NT5DC4: variants seen among roughly 807,000 people sequenced by gnomAD.
The protein encoded by NT5DC4 is 5'-nucleotidase domain containing 4.
NT5DC4 carries 44 observed loss-of-function variants against 26.6 expected under a neutral mutation model. That is an observed-to-expected ratio of 1.65 (90% CI 1.30 to 2.13). NT5DC4 has a LOEUF of 2.13. Among genes scored for constraint, NT5DC4 ranks in the 30% most tolerant of loss-of-function variants. The pLI is 0.00. For missense variants in NT5DC4, 399 were observed against 228.1 expected (o/e 1.75, Z -4.83); for synonymous variants, 157 against 86.7 (o/e 1.81, Z -4.51).
In NT5DC4 at chr2:112,734,708, GAGAC is replaced by G. The variant is rs201617488; in HGVS notation, c.1345-4201_1345-4198del. On this transcript the variant is annotated intron_variant, in intron 16 of 16. Transcript: ENST00000688554. ...AGGGAAATTGGGGTGCTTTTTTTGT[GAGAC>G]AGAGTCTTGCTCCGTCGCCTAGGCT... Among the ~76,000 whole-genome samples the G allele has an allele frequency of 9.6e-3, 1,457 of 152,242 alleles. 10 individuals are homozygous for G. Among genetic ancestry groups the G allele is most frequent in the Non-Finnish European group, 0.016 (1,102 of 68,024 alleles).
Position 112,739,095 on chromosome 2 carries a change from A to G in NT5DC4, c.*159A>G. 7.3e-7 allele frequency: 1 copy of G among 1,371,204 alleles called. No homozygotes were observed. The highest frequency in any genetic ancestry group is 1.3e-5 in the South Asian group (1 of 79,008). The allele number at this position is 1,371,204 out of a possible 1,614,324, so 84.9% of individuals were successfully genotyped here. A position where few individuals can be genotyped will look rare whatever the true frequency, so the allele number is the denominator to read the frequency against. On this transcript the variant is annotated 3_prime_UTR_variant, in exon 17 of 17. Transcript: ENST00000688554. ...ATTAAAAACCTTATCATTTAAAAAA[A>G]TTATCTTTATTATTTTTTGTTTCTT...
chr2:112,719,954 CTT>C (rs1222302980), upstream of NT5DC4, among the ~76,000 whole-genome samples: 13 of 115,816 alleles, frequency 1.1e-4, no homozygotes, highest in African/African-American at 3.9e-4. Context: ...TTCTTTCTTT[CTT>C]TCTTTCTTTC....
downstream of NT5DC4, among the ~76,000 whole-genome samples, chr2:112,739,491 C>CA (rs545240332): frequency 1.7e-4 from 26 of 152,248 alleles, no homozygotes; most frequent in Admixed American, 1.5e-3. Flanking sequence ...ATGGTGTAAG[C>CA]ATAAGGATTT....
intron 15 of NT5DC4, among the ~76,000 whole-genome samples, chr2:112,728,440 A>G (rs1678038704): frequency 6.6e-6 from 1 of 152,130 alleles, no homozygotes; most frequent in East Asian, 1.9e-4. Context: ...CTACGATGGC[A>G]CTGGGCAAGG....
chr2:112,732,064 C>G (rs890770113), intron 16 of NT5DC4, among the ~76,000 whole-genome samples: 4 of 151,972 alleles, frequency 2.6e-5, no homozygotes, highest in African/African-American at 4.8e-5. Flanking sequence ...GCATACTCCA[C>G]CACACCTGGC....
At chr2:112,739,119 TTA>T, downstream of NT5DC4, 1 of 1,190,114 alleles carries the variant, frequency 8.4e-7, no homozygotes, top group South Asian at 1.4e-5. Context: ...TTTTTGTTTC[TTA>T]TTCAATAATA....
upstream of NT5DC4, among the ~76,000 whole-genome samples, chr2:112,720,186 A>C (rs1676761949): frequency 7.0e-6 from 1 of 143,190 alleles, no homozygotes; most frequent in South Asian, 2.3e-4. Flanking sequence ...CAAGAGGCTA[A>C]TTTTTTTTTT....
At chr2:112,721,731 C>T in intron 1 of NT5DC4, 87 bp from the exon 2 acceptor site, 1 of 716,600 alleles carries the variant, frequency 1.4e-6, no homozygotes, top group African/African-American at 1.7e-5. Flanking sequence ...CTGCCCTCCT[C>T]TGCGGGGTTT....
chr2:112,724,495 G>A (rs377379269), intron 10 of NT5DC4: 8 of 570,984 alleles, frequency 1.4e-5, no homozygotes, highest in East Asian at 5.9e-5. Flanking sequence ...CTAGGTAGCC[G>A]TGCTGGTGCC....
intron 8 of NT5DC4, 64 bp downstream of exon 8, chr2:112,723,532 C>T (rs1677252952): frequency 4.2e-6 from 3 of 710,162 alleles, no homozygotes; most frequent in Non-Finnish European, 7.9e-6. Context: ...GCCCCCGCAA[C>T]CCTTCTCTGG....
chr2:112,735,038 A>ATTTTTTTT (rs70965024), intron 16 of NT5DC4, among the ~76,000 whole-genome samples: 5 of 94,488 alleles, frequency 5.3e-5, no homozygotes, highest in Non-Finnish European at 7.9e-5. Context: ...AGGCAAGAAC[A>ATTTTTTTT]TTTTTTTTTT....
intron 16 of NT5DC4, among the ~76,000 whole-genome samples, chr2:112,732,209 C>T (rs1424416007): frequency 9.1e-6 from 1 of 109,516 alleles, no homozygotes; most frequent in South Asian, 2.9e-4. Context: ...CCGAGCCTGG[C>T]ATTTTTTTTT....
At chr2:112,731,902 G>A (rs1363309783) in intron 16 of NT5DC4, among the ~76,000 whole-genome samples, 1 of 145,748 alleles carries the variant, frequency 6.9e-6, no homozygotes, top group African/African-American at 2.7e-5. Flanking sequence ...ACGGGCCATG[G>A]AATCAGAGAG....
intron 11 of NT5DC4, 38 bp downstream of exon 11, chr2:112,724,944 G>A: frequency 1.4e-6 from 1 of 714,034 alleles, no homozygotes; most frequent in Non-Finnish European, 2.6e-6. Context: ...GGTTGGGGAG[G>A]GCAGCCTGCC....
At chr2:112,724,288 G>C in intron 10 of NT5DC4, 162 bp downstream of exon 10, 1 of 654,678 alleles carries the variant, frequency 1.5e-6, no homozygotes, top group South Asian at 1.7e-5. Flanking sequence ...GCTCCCCAGT[G>C]GGTAGGAGCC....
At chr2:112,721,400 G>C (rs778156288) in intron 1 of NT5DC4, 2 of 699,366 alleles carry the variant, frequency 2.9e-6, no homozygotes, top group African/African-American at 3.5e-5. Flanking sequence ...CCTTCACCAC[G>C]GACACAGTGA....
At chr2:112,734,572 G>T (rs1302590156) in intron 16 of NT5DC4, among the ~76,000 whole-genome samples, 2 of 152,326 alleles carry the variant, frequency 1.3e-5, no homozygotes, top group African/African-American at 4.8e-5. Flanking sequence ...CAATGCCACT[G>T]GCCAGGGAGA....
intron 1 of NT5DC4, 182 bp from the exon 2 acceptor site, chr2:112,721,636 G>A (rs527940934): frequency 2.4e-5 from 17 of 716,866 alleles, no homozygotes; most frequent in South Asian, 2.4e-4. Flanking sequence ...ACTCACACTT[G>A]CCTTCAGACA....
At chr2:112,735,753 G>A (rs1329430231) in intron 16 of NT5DC4, among the ~76,000 whole-genome samples, 1 of 152,166 alleles carries the variant, frequency 6.6e-6, no homozygotes, top group East Asian at 1.9e-4. Context: ...GTTTTCTGCA[G>A]CTGCAGTACC....
Sources: gnomAD v4.1 joint callset for allele counts (sites outside exome capture counted in the v4.1 genomes callset) on GRCh38, gnomAD v4.1.1 for gene constraint, MANE v1.5 for transcripts, NCBI Gene and HGNC (gene_info 2026-07-23, HGNC 2026-07-21) for gene names.